JAKMIP1: variants seen among roughly 807,000 people sequenced by gnomAD.
JAKMIP1 encodes janus kinase and microtubule-interacting protein 1.
JAKMIP1 carries 33 observed loss-of-function variants against 113.0 expected under a neutral mutation model. That is an observed-to-expected ratio of 0.29 (90% CI 0.22 to 0.39). The LOEUF is 0.39. Ranked by LOEUF, JAKMIP1 falls within the 10% of genes least tolerant of loss-of-function variation. The pLI, the probability that JAKMIP1 is intolerant of heterozygous loss-of-function variation, is 1.00. For synonymous variants in JAKMIP1, 480 were observed against 459.9 expected (o/e 1.04, Z -0.56); for missense variants, 813 against 1,080.5 (o/e 0.75, Z 3.47).
chr4:6,123,394 G>A (rs1358436619), intron 1 of JAKMIP1, among the ~76,000 whole-genome samples: 1 of 152,146 alleles, frequency 6.6e-6, no homozygotes, highest in Admixed American at 6.5e-5. Flanking sequence ...AGACAGCATC[G>A]TGCAAAAGGC....
At position 6,040,797 on chromosome 4, in the gene JAKMIP1, T is replaced by C; in HGVS notation, c.2098-81A>G. ...GCTTCAGAGCCCGTTTGCTAGAGAGTGGCAGTCTCACCGAATTGGGGGCAC... is the reference window on the plus strand; with the variant it reads ...GCTTCAGAGCCCGTTTGCTAGAGAGCGGCAGTCTCACCGAATTGGGGGCAC... On this transcript the variant is annotated intron_variant, in intron 17 of 20. Coordinates refer to ENST00000409021, the MANE Select transcript of JAKMIP1 (RefSeq NM_001099433.2). This position sits in a 1 kb window ranked among gnomAD's most constrained non-coding sequence, Gnocchi z 5.8. 1 of 1,115,010 alleles carries C rather than the reference T, an allele frequency of 9.0e-7. No individual in the cohort carries two copies. 69.1% of individuals were successfully genotyped at this position (1,115,010 alleles called of 1,614,324 possible).
At chr4:6,100,631 TA>T (rs1212344942) in intron 3 of JAKMIP1, among the ~76,000 whole-genome samples, 1 of 152,214 alleles carries the variant, frequency 6.6e-6, no homozygotes, top group Non-Finnish European at 1.5e-5. Flanking sequence ...GTCCTTTTTT[TA>T]GACTTTTTAA....
rs778138772 is a variant in JAKMIP1, at chr4:6,049,156, TAGCTGGGATTACAGC to T, written c.1963-249_1963-235del. On this transcript the variant is annotated intron_variant, in intron 15 of 20. Transcript: ENST00000409021. This position sits in a 1 kb window ranked among gnomAD's most constrained non-coding sequence, Gnocchi z 7.0. ...GATTCTCTTGCCTCAGCCTCCCGAG[TAGCTGGGATTACAGC>T]AGCTGGGATGCACACCACCACACCT... Among the ~76,000 whole-genome samples the T allele has an allele frequency of 2.6e-5, 4 of 152,114 alleles. No individual in the cohort carries two copies. The highest frequency in any genetic ancestry group is 5.9e-5 in the Non-Finnish European group (4 of 68,006).
rs747451841 is a variant in JAKMIP1, at chr4:6,062,405, G to A, written c.1467C>T (p.Cys489=). 1.2e-6 allele frequency: 2 copies of A among 1,613,842 alleles called. No individual in the cohort carries two copies. Among genetic ancestry groups the A allele is most frequent in the East Asian group, 2.2e-5 (1 of 44,884 alleles). ...GGGCCTGGTACTCCCGGGTCAGCTGGCAGAAGCGCAGGTCAGCCTCCTCTC... is the reference window on the plus strand; with the variant it reads ...GGGCCTGGTACTCCCGGGTCAGCTGACAGAAGCGCAGGTCAGCCTCCTCTC... ...TAREEADLRF[C]QLTREYQALQ... The change falls in exon 10 of 21, where the codon TGC becomes TGT. Residue 489 remains cysteine (C), a synonymous_variant. Coordinates refer to ENST00000409021, the MANE Select transcript of JAKMIP1 (RefSeq NM_001099433.2).
chr4:6,070,547 G>A lies in JAKMIP1; in HGVS notation c.1303-5539C>T, dbSNP rs541913712. 4.6e-5 allele frequency among the ~76,000 whole-genome samples: 7 copies of A among 152,336 alleles called. No individual in the cohort carries two copies. The South Asian group carries it at 8.3e-4, about 18-fold the overall frequency. ...TCTGGGGACCTTCCTCCCAGATCCCGTCCTCCCTGAGCCGAGAGCCTGTTG... is the reference window on the plus strand; with the variant it reads ...TCTGGGGACCTTCCTCCCAGATCCCATCCTCCCTGAGCCGAGAGCCTGTTG... On this transcript the variant is annotated intron_variant, in intron 8 of 20. Transcript: ENST00000409021.
chr4:6,142,164 G>T lies in JAKMIP1; in HGVS notation c.-147-29167C>A, dbSNP rs2108963515. Among the ~76,000 whole-genome samples the T allele has an allele frequency of 6.6e-6, 1 of 152,254 alleles. No individual in the cohort carries two copies. The highest frequency in any genetic ancestry group is 2.4e-5 in the African/African-American group (1 of 41,536). ...CAAGACGCTCTGAAGAGTGGTGGAG[G>T]CCTTCCTACCTCATTCCATCCTGGA... On this transcript the variant is annotated intron_variant, in intron 1 of 20. Coordinates refer to ENST00000409021, the MANE Select transcript of JAKMIP1 (RefSeq NM_001099433.2). The surrounding 1 kb of genome is among the most constrained non-coding windows in gnomAD (Gnocchi z 5.5).
chr4:6,099,553 A>G (rs1224678276), intron 3 of JAKMIP1, among the ~76,000 whole-genome samples: 5 of 152,158 alleles, frequency 3.3e-5, no homozygotes, highest in African/African-American at 1.2e-4. Context: ...CATATGTCAT[A>G]AACCCCACAA....
intron 1 of JAKMIP1, among the ~76,000 whole-genome samples, chr4:6,125,982 AACACAC>A (rs1211314152): frequency 7.3e-6 from 1 of 137,788 alleles, no homozygotes; most frequent in Non-Finnish European, 1.6e-5. Flanking sequence ...ACCATGCAGA[AACACAC>A]ACACACACCA....
rs778401061 is a variant in JAKMIP1 at position 6,064,844 on chromosome 4, G to C, written c.1431+36C>G. 7 of 1,612,764 alleles carry C rather than the reference G, an allele frequency of 4.3e-6. No individual in the cohort carries two copies. In the South Asian group the frequency reaches 5.5e-5, roughly 13 times the overall value. ...AGGAGGTGCCGCCCCGAGAGCATCT[G>C]GGGTGAGGTCCCGCCCTCTCTGCAG... On this transcript the variant is annotated intron_variant, in intron 9 of 20. Transcript: ENST00000409021. This position sits in a 1 kb window ranked among gnomAD's most constrained non-coding sequence, Gnocchi z 4.3.
At chr4:6,144,527 G>A (rs772208440) in intron 1 of JAKMIP1, among the ~76,000 whole-genome samples, 3 of 152,170 alleles carry the variant, frequency 2.0e-5, no homozygotes, top group African/African-American at 4.8e-5. Flanking sequence ...AGAACTATAT[G>A]CCATGAGCAA....
In JAKMIP1 at chr4:6,050,354, G is replaced by A. The variant is rs1316487318; in HGVS notation, c.1908+224C>T. ...AGGCCAGAGCAGTGGTGGAACTGGG[G>A]TTCACACTCAGGGCTATACACCAAG... is the stretch of plus-strand genomic sequence containing the variant. On this transcript the variant is annotated intron_variant, in intron 14 of 20. Transcript: ENST00000409021. This position sits in a 1 kb window ranked among gnomAD's most constrained non-coding sequence, Gnocchi z 7.4. Among the ~76,000 whole-genome samples, 3 of 152,214 alleles carry A rather than the reference G, an allele frequency of 2.0e-5. No homozygotes were observed. The highest frequency in any genetic ancestry group is 4.8e-5 in the African/African-American group (2 of 41,458).
At position 6,142,504 on chromosome 4, in the gene JAKMIP1, G is replaced by T. The variant is rs538970961; in HGVS notation, c.-147-29507C>A. 6.6e-6 allele frequency among the ~76,000 whole-genome samples: 1 copy of T among 152,324 alleles called. No homozygotes were observed. The highest frequency in any genetic ancestry group is 2.4e-5 in the African/African-American group (1 of 41,568). ...CACTCAGCAATATGTAACAGTTAAG[G>T]GATTTTGCTTTTATTTAATATTACT... On this transcript the variant is annotated intron_variant, in intron 1 of 20. Transcript: ENST00000409021. The surrounding 1 kb of genome is among the most constrained non-coding windows in gnomAD (Gnocchi z 5.5).
intron 1 of JAKMIP1, among the ~76,000 whole-genome samples, chr4:6,133,422 A>G (rs911052507): frequency 3.3e-5 from 5 of 152,232 alleles, no homozygotes; most frequent in African/African-American, 1.2e-4. Flanking sequence ...AGAGCAATAG[A>G]GAGACAGAGC....
chr4:6,130,425 T>C (rs1284657007), intron 1 of JAKMIP1, among the ~76,000 whole-genome samples: 1 of 152,104 alleles, frequency 6.6e-6, no homozygotes, highest in Non-Finnish European at 1.5e-5. Context: ...AATCACAACA[T>C]ACCACAGCAA....
At chr4:6,145,280 A>G (rs1042218073) in intron 1 of JAKMIP1, among the ~76,000 whole-genome samples, 6 of 152,144 alleles carry the variant, frequency 3.9e-5, no homozygotes, top group Non-Finnish European at 5.9e-5. Context: ...ATTCACAAGA[A>G]ATGGAGTTCT....
rs1382505364 is a variant in JAKMIP1, at chr4:6,061,719, G to C, written c.1560+593C>G. ...GGGGAGGGGATGCAGGGAAGCACCC[G>C]TGTGTGCTCTCCGGGAGTCCTCCAC... On this transcript the variant is annotated intron_variant, in intron 10 of 20. Coordinates refer to ENST00000409021, the MANE Select transcript of JAKMIP1 (RefSeq NM_001099433.2). This position sits in a 1 kb window ranked among gnomAD's most constrained non-coding sequence, Gnocchi z 5.3. Among the ~76,000 whole-genome samples the C allele has an allele frequency of 6.6e-6, 1 of 152,206 alleles. No individual in the cohort carries two copies. Among genetic ancestry groups the C allele is most frequent in the African/African-American group, 2.4e-5 (1 of 41,454 alleles).
Position 6,136,722 on chromosome 4 carries a change from AT to A in JAKMIP1, c.-147-23726del, listed in dbSNP as rs767238568. The stretch of plus-strand genomic sequence containing the variant: ...CCAAGAAATGGCCTGCCCAGGAAAA[AT>A]AAATAAATAACAAGAACTTCCTCCC... On this transcript the variant is annotated intron_variant, in intron 1 of 20. Coordinates refer to ENST00000409021, the MANE Select transcript of JAKMIP1 (RefSeq NM_001099433.2). The surrounding 1 kb of genome is among the most constrained non-coding windows in gnomAD (Gnocchi z 5.9). Among the ~76,000 whole-genome samples the A allele has an allele frequency of 1.4e-4, 22 of 152,322 alleles. No homozygotes were observed. The Middle Eastern group carries it at 0.01, about 71-fold the overall frequency.
intron 1 of JAKMIP1, among the ~76,000 whole-genome samples, chr4:6,177,640 T>G (rs1031476449): frequency 6.6e-6 from 1 of 152,100 alleles, no homozygotes; most frequent in Admixed American, 6.5e-5. Flanking sequence ...TTAAACAAAT[T>G]AAGGCACCCA....
chr4:6,078,083 C>A (rs1312253125), intron 8 of JAKMIP1, among the ~76,000 whole-genome samples: 2 of 152,024 alleles, frequency 1.3e-5, no homozygotes, highest in Non-Finnish European at 2.9e-5. Context: ...ATAAACCAAA[C>A]GGGGCACTTG....
Sources: gnomAD v4.1 joint callset for allele counts (sites outside exome capture counted in the v4.1 genomes callset) on GRCh38, gnomAD v4.1.1 for gene constraint, Gnocchi (gnomAD v3.1) non-coding constraint, MANE v1.5 for transcripts, NCBI Gene and HGNC (gene_info 2026-07-23, HGNC 2026-07-21) for gene names.